Variants in C17orf67 observed in about 807,000 individuals in gnomAD.
The protein encoded by C17orf67 is chromosome 17 open reading frame 67, also known as uncharacterized protein C17orf67.
In C17orf67, 12 loss-of-function variants were observed where a neutral mutation model predicts 11.2. That is an observed-to-expected ratio of 1.07 (90% CI 0.68 to 1.73). The LOEUF (loss-of-function observed/expected upper bound fraction) is 1.73, where lower values mean the gene tolerates loss of function less well. C17orf67 is among the 40% of genes most tolerant of loss of function. C17orf67 has a pLI of 0.00. For missense variants in C17orf67, 115 were observed against 113.5 expected (o/e 1.01, Z -0.06); for synonymous variants, 59 against 46.9 (o/e 1.26, Z -1.05).
intron 6 of C17orf67, among the ~76,000 whole-genome samples, chr17:56,799,148 C>G (rs1597987721): frequency 6.6e-6 from 1 of 152,154 alleles, no homozygotes; most frequent in Non-Finnish European, 1.5e-5. Flanking sequence ...TTGATGGGGC[C>G]GAACAAACCA....
chr17:56,802,825 G>A (rs1027655260), intron 6 of C17orf67, among the ~76,000 whole-genome samples: 2 of 152,206 alleles, frequency 1.3e-5, no homozygotes, highest in African/African-American at 4.8e-5. Context: ...ATTCTTCAAA[G>A]CGTGAGCTGT....
At chr17:56,826,039 C>T (rs1406366523) in intron 2 of C17orf67, among the ~76,000 whole-genome samples, 3 of 152,142 alleles carry the variant, frequency 2.0e-5, no homozygotes, top group Non-Finnish European at 4.4e-5. Context: ...ACTGCAACCT[C>T]CACCTCCTGA....
At chr17:56,813,133 G>A (rs1905670843) in intron 6 of C17orf67, among the ~76,000 whole-genome samples, 2 of 152,052 alleles carry the variant, frequency 1.3e-5, no homozygotes, top group Admixed American at 6.6e-5. Context: ...CCCAGCCCCT[G>A]CCGGGTCCCT....
intron 3 of C17orf67, 71 bp from the exon 4 acceptor site, chr17:56,824,924 T>C (rs1239384836): frequency 6.6e-6 from 1 of 152,204 alleles, no homozygotes; most frequent in Non-Finnish European, 1.5e-5. Context: ...GGGGAGAAGG[T>C]GTATCAAACA....
In C17orf67 at chr17:56,818,491, CT is replaced by C. The variant is rs1167229953; in HGVS notation, c.-200-2482del. Among the ~76,000 whole-genome samples, 8 of 152,222 alleles carry C rather than the reference CT, an allele frequency of 5.3e-5. 1 individual carries two copies. In the South Asian group the frequency reaches 1.0e-3, roughly 20 times the overall value. ...AGTGAGCAATGATTATGCCACTACA[CT>C]CAAGTCTGGACAACAGAACAAGACC... On this transcript the variant is annotated intron_variant, in intron 4 of 7. Coordinates refer to ENST00000397861, the MANE Select transcript of C17orf67 (RefSeq NM_001085430.4).
chr17:56,824,318 G>A (rs1416449672), intron 4 of C17orf67, among the ~76,000 whole-genome samples: 4 of 152,198 alleles, frequency 2.6e-5, no homozygotes, highest in Non-Finnish European at 5.9e-5. Flanking sequence ...CAGAGCAAAA[G>A]CCCTCACCAG....
intron 6 of C17orf67, among the ~76,000 whole-genome samples, chr17:56,798,673 C>CA (rs58924731): frequency 1.1e-4 from 17 of 150,250 alleles, no homozygotes; most frequent in African/African-American, 2.9e-4. Context: ...ACCAAAAATA[C>CA]AAAAAAAAAA....
chr17:56,832,777 T>C (rs1769937344), intron 2 of C17orf67, 121 bp downstream of exon 2: 1 of 152,230 alleles, frequency 6.6e-6, no homozygotes, highest in Non-Finnish European at 1.5e-5. Flanking sequence ...AATAGTATAT[T>C]ATTAAAATCT....
intron 6 of C17orf67, among the ~76,000 whole-genome samples, chr17:56,808,488 T>C (rs1410800004): frequency 2.6e-5 from 4 of 152,144 alleles, no homozygotes; most frequent in African/African-American, 4.8e-5. Context: ...GAGCCATCTG[T>C]CTCCCTCTGA....
chr17:56,818,883 T>C (rs997916952), intron 4 of C17orf67, among the ~76,000 whole-genome samples: 4 of 152,170 alleles, frequency 2.6e-5, no homozygotes, highest in African/African-American at 7.2e-5. Context: ...TCCTTCCGTC[T>C]CTAATGCCAC....
Position 56,795,598 on chromosome 17 carries a change from G to T in C17orf67, c.157-418C>A, listed in dbSNP as rs1276297617. 5.3e-5 allele frequency among the ~76,000 whole-genome samples: 8 copies of T among 152,284 alleles called. No individual in the cohort carries two copies. The East Asian group carries it at 1.5e-3, about 29-fold the overall frequency. On this transcript the variant is annotated intron_variant, in intron 6 of 7. Transcript: ENST00000397861. ...GTTTCTGACTCAGTGGGTCTTGGGT[G>T]GGACTTGAGAAGTTGCATTTCTAAC...
chr17:56,810,978 A>G (rs1246000621), intron 6 of C17orf67, among the ~76,000 whole-genome samples: 1 of 152,226 alleles, frequency 6.6e-6, no homozygotes, highest in Non-Finnish European at 1.5e-5. Context: ...TCAAATGGTA[A>G]GTCGAGGATG....
chr17:56,810,549 A>C (rs987924649), intron 6 of C17orf67, among the ~76,000 whole-genome samples: 1 of 152,182 alleles, frequency 6.6e-6, no homozygotes, highest in Non-Finnish European at 1.5e-5. Flanking sequence ...TTCCCAAGCA[A>C]AGGGACATCT....
chr17:56,833,652 G>GC lies in C17orf67; in HGVS notation c.-1037dup, dbSNP rs1346813972. ...CCGCGGCCAGGTCGGGCGGTGCCGC[G>GC]CAGGCCGCCTCCCCCCCTCGCTTCC... On this transcript the variant is annotated 5_prime_UTR_variant, in exon 1 of 8. The change abolishes the stop of an existing upstream ORF in the 5' untranslated region. Coordinates refer to ENST00000397861, the MANE Select transcript of C17orf67 (RefSeq NM_001085430.4). The GC allele has an allele frequency of 6.6e-6, 1 of 151,790 alleles. No individual in the cohort carries two copies. Among genetic ancestry groups the GC allele is most frequent in the Non-Finnish European group, 1.5e-5 (1 of 68,060 alleles). 9.4% of individuals were successfully genotyped at this position (151,790 alleles called of 1,614,324 possible). A position where few individuals can be genotyped will look rare whatever the true frequency, so the allele number is the denominator to read the frequency against.
chr17:56,810,143 GCACACCCCT>G (rs1008223621), intron 6 of C17orf67, among the ~76,000 whole-genome samples: 1 of 31,742 alleles, frequency 3.2e-5, no homozygotes, highest in Non-Finnish European at 6.5e-5. Context: ...GACCCCTCAC[GCACACCCCT>G]CACACCCCCA....
chr17:56,820,703 A>G (rs1275342695), intron 4 of C17orf67, among the ~76,000 whole-genome samples: 1 of 152,064 alleles, frequency 6.6e-6, no homozygotes, highest in Non-Finnish European at 1.5e-5. Context: ...AAGCCTATAA[A>G]GGAATAATGC....
intron 6 of C17orf67, among the ~76,000 whole-genome samples, chr17:56,807,241 C>T (rs574276972): frequency 2.6e-5 from 4 of 152,166 alleles, no homozygotes; most frequent in South Asian, 4.2e-4. Context: ...GAAGCCTGGG[C>T]GAGGCATGCT....
rs1906333063 is a variant in C17orf67 at position 56,833,684 on chromosome 17, G to C, written c.-1068C>G. ...GCCTCCCCCCCTCGCTTCCCAGTCG[G>C]CTTACGCATCCCCGGCGGCGGCGGC... On this transcript the variant is annotated 5_prime_UTR_variant, in exon 1 of 8. Transcript: ENST00000397861. 6.6e-6 allele frequency: 1 copy of C among 151,870 alleles called. No individual in the cohort carries two copies. The highest frequency in any genetic ancestry group is 2.4e-5 in the African/African-American group (1 of 41,390). The allele number at this position is 151,870 out of a possible 1,614,324, so 9.4% of individuals were successfully genotyped here.
At chr17:56,823,581 A>G (rs1905956612) in intron 4 of C17orf67, among the ~76,000 whole-genome samples, 1 of 152,242 alleles carries the variant, frequency 6.6e-6, no homozygotes, top group Admixed American at 6.5e-5. Context: ...AAAAACCATA[A>G]TAGCAGAAAT....
Sources: gnomAD v4.1 joint callset for allele counts (sites outside exome capture counted in the v4.1 genomes callset) on GRCh38, gnomAD v4.1.1 for gene constraint, MANE v1.5 for transcripts, NCBI Gene and HGNC (gene_info 2026-07-23, HGNC 2026-07-21) for gene names.